Variants in TRERF1 observed in about 807,000 individuals in gnomAD.
TRERF1 encodes transcriptional-regulating factor 1.
TRERF1 carries 27 observed loss-of-function variants against 122.9 expected under a neutral mutation model. The observed-to-expected ratio is 0.22, with a 90% CI of 0.16 to 0.30. The LOEUF (loss-of-function observed/expected upper bound fraction) is 0.30. Among genes scored for constraint, TRERF1 ranks in the 10% least tolerant of loss-of-function variants. The pLI is 1.00. For missense variants in TRERF1, 1,248 were observed against 1,560.3 expected (o/e 0.80, Z 3.37); for synonymous variants, 636 against 641.7 (o/e 0.99, Z 0.13).
rs1236543679 is a variant in TRERF1, at chr6:42,360,696, CCTGGTGCAGGAGCCAGT to C, written c.-371+2284_-371+2300del. Among the ~76,000 whole-genome samples the C allele has an allele frequency of 6.8e-5, 10 of 147,702 alleles. No individual in the cohort carries two copies. In the East Asian group the frequency reaches 2.0e-3, roughly 30 times the overall value. Reference sequence around the variant, plus strand: ...CTACACACCCCCAGCCTCCCCACAGCCTGGTGCAGGAGCCAGTCTGGTGCAGAAGCCAGCCTGAGGAT... The same window carrying C: ...CTACACACCCCCAGCCTCCCCACAGCCTGGTGCAGAAGCCAGCCTGAGGAT... On this transcript the variant is annotated intron_variant, in intron 3 of 17. Transcript: ENST00000372922.
At chr6:42,416,094 A>G (rs1781795584) in intron 2 of TRERF1, among the ~76,000 whole-genome samples, 1 of 151,890 alleles carries the variant, frequency 6.6e-6, no homozygotes, top group African/African-American at 2.4e-5. Flanking sequence ...TTTTTCTTCC[A>G]TCATATTTTC....
chr6:42,260,987 C>T (rs868640277), intron 8 of TRERF1, among the ~76,000 whole-genome samples: 4 of 152,218 alleles, frequency 2.6e-5, no homozygotes, highest in African/African-American at 9.6e-5. Flanking sequence ...GGGTCCCAGG[C>T]TCCCGGCTCC....
At chr6:42,408,314 T>TGTGTGTGTATGTATATATACATACTC (rs1491462682) in intron 2 of TRERF1, among the ~76,000 whole-genome samples, 2 of 129,006 alleles carry the variant, frequency 1.6e-5, no homozygotes, top group African/African-American at 6.2e-5. Context: ...TACATACTCA[T>TGTGTGTGTATGTATATATACATACTC]GTGTGTGTAT....
chr6:42,317,801 G>T (rs190689033), intron 3 of TRERF1, among the ~76,000 whole-genome samples: 1 of 151,866 alleles, frequency 6.6e-6, no homozygotes, highest in Non-Finnish European at 1.5e-5. Flanking sequence ...ATATAGTTGA[G>T]ATTATATTGT....
intron 3 of TRERF1, among the ~76,000 whole-genome samples, chr6:42,308,807 A>G (rs1226749222): frequency 6.6e-6 from 1 of 152,182 alleles, no homozygotes; most frequent in Non-Finnish European, 1.5e-5. Flanking sequence ...AGGAGGAGGG[A>G]GAGGAGCAGA....
At chr6:42,414,385 T>G (rs1781541851) in intron 2 of TRERF1, among the ~76,000 whole-genome samples, 2 of 152,240 alleles carry the variant, frequency 1.3e-5, no homozygotes, top group Non-Finnish European at 2.9e-5. Flanking sequence ...AGGCCTCTTT[T>G]GCATGAATAA....
Position 42,291,152 on chromosome 6 carries a change from G to A in TRERF1, c.-259+9486C>T, listed in dbSNP as rs573670794. 5.3e-5 allele frequency among the ~76,000 whole-genome samples: 8 copies of A among 152,338 alleles called. No homozygotes were observed. The East Asian group carries it at 9.6e-4, about 18-fold the overall frequency. ...CTGTTTGAAAGGAGGAAATTAACAT[G>A]CAGGGGATGAACTTCCCAAGGTTGC... On this transcript the variant is annotated intron_variant, in intron 4 of 17. Transcript: ENST00000372922.
At chr6:42,427,020 A>G (rs539514948) in intron 2 of TRERF1, among the ~76,000 whole-genome samples, 144 of 151,970 alleles carry the variant, frequency 9.5e-4, no homozygotes, top group African/African-American at 3.3e-3. Flanking sequence ...GGGCGCAGTG[A>G]TTCACGCCTA....
intron 2 of TRERF1, among the ~76,000 whole-genome samples, chr6:42,435,577 A>G (rs1785186484): frequency 6.6e-6 from 1 of 152,094 alleles, no homozygotes; most frequent in Admixed American, 6.6e-5. Context: ...AAAAGAATCT[A>G]AGATGAACTT....
chr6:42,429,104 T>C (rs1659598526), intron 2 of TRERF1, among the ~76,000 whole-genome samples: 1 of 152,250 alleles, frequency 6.6e-6, no homozygotes, highest in African/African-American at 2.4e-5. Flanking sequence ...CCACTCATTA[T>C]TTTAAGTGAA....
intron 2 of TRERF1, among the ~76,000 whole-genome samples, chr6:42,412,272 A>G (rs1293332256): frequency 6.6e-6 from 1 of 152,206 alleles, no homozygotes; most frequent in Non-Finnish European, 1.5e-5. Context: ...AAGTGCTGGG[A>G]TTACAGGCGT....
intron 3 of TRERF1, among the ~76,000 whole-genome samples, chr6:42,362,405 C>T (rs925090392): frequency 6.6e-5 from 10 of 152,198 alleles, no homozygotes; most frequent in Admixed American, 1.3e-4. Context: ...CATCTCTTGC[C>T]GGATCAGGGT....
Position 42,436,826 on chromosome 6 carries a change from T to A in TRERF1, c.-454+14351A>T, listed in dbSNP as rs867695307. 2.5e-3 allele frequency among the ~76,000 whole-genome samples: 335 copies of A among 135,596 alleles called. 2 individuals carry two copies. Among genetic ancestry groups the A allele is most frequent in the African/African-American group, 8.1e-3 (282 of 34,738 alleles). The allele number at this position is 135,596 out of a possible 152,430, so 89.0% of individuals were successfully genotyped here. The stretch of plus-strand genomic sequence containing the variant: ...AAAAAAAAAAAAAAATATATATATA[T>A]ATATATATATATATATATATATGAA... On this transcript the variant is annotated intron_variant, in intron 2 of 17. Transcript: ENST00000372922.
chr6:42,360,904 T>C (rs1022875203), intron 3 of TRERF1, among the ~76,000 whole-genome samples: 17 of 152,054 alleles, frequency 1.1e-4, no homozygotes, highest in African/African-American at 2.7e-4. Flanking sequence ...AATCAATTCA[T>C]TGTGCCGTGG....
chr6:42,233,508 A>G (rs907877799), intron 16 of TRERF1, among the ~76,000 whole-genome samples: 4 of 151,748 alleles, frequency 2.6e-5, no homozygotes, highest in South Asian at 2.1e-4. Flanking sequence ...GATGGTCTCG[A>G]TCTCCTGACC....
At chr6:42,370,106 T>C (rs1159953565) in intron 2 of TRERF1, among the ~76,000 whole-genome samples, 1 of 151,994 alleles carries the variant, frequency 6.6e-6, no homozygotes, top group Non-Finnish European at 1.5e-5. Context: ...GGAGCAGAAT[T>C]AGGGGGTAAA....
chr6:42,349,104 C>T (rs954172999), intron 3 of TRERF1, among the ~76,000 whole-genome samples: 10 of 152,168 alleles, frequency 6.6e-5, no homozygotes, highest in African/African-American at 2.4e-4. Flanking sequence ...GTACCTACTT[C>T]CCCAGCTTCA....
At chr6:42,272,399 A>G (rs1422126796) in intron 4 of TRERF1, among the ~76,000 whole-genome samples, 2 of 152,168 alleles carry the variant, frequency 1.3e-5, no homozygotes, top group East Asian at 3.8e-4. Context: ...CAGTGAAAGG[A>G]TGCTGGGCGT....
intron 4 of TRERF1, among the ~76,000 whole-genome samples, chr6:42,279,654 C>A (rs2150029649): frequency 6.6e-6 from 1 of 152,324 alleles, no homozygotes; most frequent in South Asian, 2.1e-4. Context: ...GCAGCACAGA[C>A]CAACTTCCTC....
Sources: allele counts gnomAD v4.1 joint callset (sites outside exome capture counted in the v4.1 genomes callset), GRCh38; gene constraint gnomAD v4.1.1; transcripts MANE v1.5; gene names NCBI Gene and HGNC (gene_info 2026-07-23, HGNC 2026-07-21).